Variants in MFAP5 observed in about 807,000 individuals in gnomAD.
The protein encoded by MFAP5 is microfibrillar-associated protein 5.
In MFAP5, 19 loss-of-function variants were observed where a neutral mutation model predicts 30.1. The observed-to-expected ratio is 0.63, with a 90% confidence interval of 0.44 to 0.93. The LOEUF (loss-of-function observed/expected upper bound fraction) is 0.93. Among genes scored for constraint, MFAP5 ranks in the 40% least tolerant of loss-of-function variants. MFAP5 has a pLI of 0.00. For missense variants in MFAP5, 210 were observed against 221.3 expected (o/e 0.95, Z 0.32); for synonymous variants, 92 against 72.9 (o/e 1.26, Z -1.33).
chr12:8,650,724 G>A, intron 7 of MFAP5, 135 bp from the exon 8 acceptor site: 1 of 741,660 alleles, frequency 1.3e-6, no homozygotes. Context: ...ATTATAAATT[G>A]GGCTACATCC....
At chr12:8,660,191 ATTTT>A (rs36061194) in intron 3 of MFAP5, among the ~76,000 whole-genome samples, 1 of 138,664 alleles carries the variant, frequency 7.2e-6, no homozygotes, top group Admixed American at 7.3e-5. Flanking sequence ...TTTTTTTCTA[ATTTT>A]TTTTTTTTTT....
At chr12:8,659,675 A>T (rs1278525785) in intron 3 of MFAP5, among the ~76,000 whole-genome samples, 2 of 152,178 alleles carry the variant, frequency 1.3e-5, no homozygotes, top group Non-Finnish European at 2.9e-5. Context: ...AACAACAGAA[A>T]AAAAATTTTT....
chr12:8,657,566 CTTT>C (rs35916052), intron 3 of MFAP5, among the ~76,000 whole-genome samples: 12 of 128,090 alleles, frequency 9.4e-5, no homozygotes, highest in African/African-American at 9.2e-5. Flanking sequence ...TTTGCTTTGA[CTTT>C]TTTTTTTTTT....
At chr12:8,654,549 AGGGAGAAT>A in intron 5 of MFAP5, 68 bp from the exon 6 acceptor site, 1 of 1,454,994 alleles carries the variant, frequency 6.9e-7, no homozygotes, top group Non-Finnish European at 9.5e-7. Flanking sequence ...GAGTAAGAAA[AGGGAGAAT>A]GGAGATACCG....
intron 6 of MFAP5, among the ~76,000 whole-genome samples, chr12:8,652,137 C>G (rs1591567343): frequency 1.3e-5 from 2 of 152,040 alleles, no homozygotes; most frequent in Non-Finnish European, 2.9e-5. Context: ...TTGATAGAAG[C>G]TGTTGGGTAA....
intron 9 of MFAP5, among the ~76,000 whole-genome samples, chr12:8,648,782 C>A (rs1474918578): frequency 6.6e-6 from 1 of 152,220 alleles, no homozygotes; most frequent in African/African-American, 2.4e-5. Context: ...TACTCAGGAA[C>A]TCAGCACAAA....
chr12:8,655,701 T>C, intron 4 of MFAP5, 85 bp downstream of exon 4: 1 of 1,484,992 alleles, frequency 6.7e-7, no homozygotes, highest in South Asian at 1.2e-5. Context: ...CCTTCTGAAG[T>C]CTTTATTTTT....
chr12:8,660,901 A>G lies in MFAP5; in HGVS notation c.59-3T>C. 1.2e-6 allele frequency: 2 copies of G among 1,611,668 alleles called. No homozygotes were observed. Among genetic ancestry groups the G allele is most frequent in the Non-Finnish European group, 1.7e-6 (2 of 1,177,938 alleles). On this transcript the variant is annotated splice_region_variant and splice_polypyrimidine_tract_variant and intron_variant, in intron 2 of 9. Transcript: ENST00000359478. Reference sequence around the variant, plus strand: ...ATTGACCCCCAGGGGTATCCAGTCTATAGCAAAGGAAGAGAAAAGAGATGT... The same window carrying G: ...ATTGACCCCCAGGGGTATCCAGTCTGTAGCAAAGGAAGAGAAAAGAGATGT...
At position 8,648,152 on chromosome 12, in the gene MFAP5, G is replaced by C. The variant is rs1429113580; in HGVS notation, c.461C>G (p.Ser154Cys). Residue 154 changes from serine to cysteine, a missense_variant, in exon 10 of 10, where the codon TCC becomes TGC. Transcript: ENST00000359478. ...ACAGGGAGGAAGTCGGAAGTAATTG[G>C]AGCGACGGAGTCTCCTAGGGGGCAG... ...AGLPPRRLRR[S>C]NYFRLPPCEN... The C allele has an allele frequency of 6.2e-7, 1 of 1,613,966 alleles. No individual in the cohort carries two copies. The highest frequency in any genetic ancestry group is 1.7e-5 in the Admixed American group (1 of 60,010).
Position 8,650,526 on chromosome 12 carries a change from CA to C in MFAP5, c.310del (p.Cys104AlafsTer32). 1 of 1,614,084 alleles carries C rather than the reference CA, an allele frequency of 6.2e-7. No individual in the cohort carries two copies. ...CCTGGTGAAGCATAACTGATGAATGCATTGTTTAACCGGCCGATGCACAGAG... is the reference window on the plus strand; with the variant it reads ...CCTGGTGAAGCATAACTGATGAATGCTTGTTTAACCGGCCGATGCACAGAG... ...LYSVHRPVKQCIHQLCFTSLR... is the reference protein window; with the variant it reads ...LYSVHRPVKQXIHQLCFTSLR... On this transcript the variant is annotated frameshift_variant, in exon 8 of 10. Coordinates refer to ENST00000359478, the MANE Select transcript of MFAP5 (RefSeq NM_003480.4). LOFTEE classifies it high-confidence loss of function.
rs1277498625 is a variant in MFAP5 at position 8,651,687 on chromosome 12, G to T, written c.222C>A (p.Ser74=). 6.2e-7 allele frequency: 1 copy of T among 1,613,758 alleles called. No individual in the cohort carries two copies. Among genetic ancestry groups the T allele is most frequent in the South Asian group, 1.1e-5 (1 of 91,062 alleles). The change falls in exon 7 of 10, where the codon TCC becomes TCA. Residue 74 remains serine (S), a synonymous_variant. Coordinates refer to ENST00000359478, the MANE Select transcript of MFAP5 (RefSeq NM_003480.4). ...DIAPSTDDLA[S]LSEKNTTAEC... ...CTGCAGTGGTATTTTTTTCACTGAG[G>T]GAGGCTGAAAGGCAGAAATTTTATT... is the stretch of plus-strand genomic sequence containing the variant.
chr12:8,651,622 GA>G (rs1295878996), intron 7 of MFAP5, 39 bp downstream of exon 7: 13 of 1,603,608 alleles, frequency 8.1e-6, no homozygotes, highest in Non-Finnish European at 9.4e-6. Flanking sequence ...TCCACAGGAA[GA>G]AAAAAAGGCT....
At chr12:8,652,815 C>T (rs1448737499) in intron 6 of MFAP5, among the ~76,000 whole-genome samples, 1 of 152,188 alleles carries the variant, frequency 6.6e-6, no homozygotes, top group African/African-American at 2.4e-5. Context: ...ATCCAACAGA[C>T]TTAATTATCT....
rs992207922 is a variant in MFAP5, at chr12:8,647,565, T to C, written c.*526A>G. ...ACAAAACTTACCATGATGTGTCTTATAAGGAAGACTTGCCAGGCAAATTTT... is the reference window on the plus strand; with the variant it reads ...ACAAAACTTACCATGATGTGTCTTACAAGGAAGACTTGCCAGGCAAATTTT... On this transcript the variant is annotated 3_prime_UTR_variant, in exon 10 of 10. Coordinates refer to ENST00000359478, the MANE Select transcript of MFAP5 (RefSeq NM_003480.4). 1 of 152,306 alleles carries C rather than the reference T, an allele frequency of 6.6e-6. No homozygotes were observed. Among genetic ancestry groups the C allele is most frequent in the Non-Finnish European group, 1.5e-5 (1 of 68,148 alleles). 9.4% of individuals were successfully genotyped at this position (152,306 alleles called of 1,614,324 possible). A position where few individuals can be genotyped will look rare whatever the true frequency, so the allele number is the denominator to read the frequency against.
chr12:8,654,914 C>G (rs978406722), intron 5 of MFAP5, among the ~76,000 whole-genome samples: 5 of 148,264 alleles, frequency 3.4e-5, no homozygotes, highest in Non-Finnish European at 5.9e-5. Flanking sequence ...GCACTCTAGC[C>G]TGGGCTACAG....
At chr12:8,662,128 C>A in intron 1 of MFAP5, 22 bp from the exon 2 acceptor site, 1 of 1,608,928 alleles carries the variant, frequency 6.2e-7, no homozygotes, top group Non-Finnish European at 8.5e-7. Context: ...GTGGGCATAG[C>A]AGAGAATGTG....
rs12816874 is a variant in MFAP5 at position 8,656,591 on chromosome 12, T to C, written c.95-761A>G. Among the ~76,000 whole-genome samples the C allele has an allele frequency of 9.8e-3, 1,272 of 130,392 alleles. 8 individuals carry two copies. The highest frequency in any genetic ancestry group is 0.02 in the Middle Eastern group (5 of 256). 85.5% of individuals were successfully genotyped at this position (130,392 alleles called of 152,430 possible). On this transcript the variant is annotated intron_variant, in intron 3 of 9. Transcript: ENST00000359478. ...CCTGGCTAATATATATATATATATA[T>C]ACACACACACACACACACATATATA...
At position 8,659,319 on chromosome 12, in the gene MFAP5, A is replaced by T. The variant is rs779860946; in HGVS notation, c.94+1544T>A. On this transcript the variant is annotated intron_variant, in intron 3 of 9. Transcript: ENST00000359478. ...GCGAAACTCTGTCTCGAAAAAAAAAAAAAATAAAAGGGTCTCACTATATTG... is the reference window on the plus strand; with the variant it reads ...GCGAAACTCTGTCTCGAAAAAAAAATAAAATAAAAGGGTCTCACTATATTG... Among the ~76,000 whole-genome samples the T allele has an allele frequency of 1.4e-4, 22 of 151,968 alleles. No individual in the cohort carries two copies. In the South Asian group the frequency reaches 1.7e-3, roughly 11 times the overall value.
At chr12:8,655,366 A>G in intron 5 of MFAP5, 49 bp downstream of exon 5, 1 of 1,441,752 alleles carries the variant, frequency 6.9e-7, no homozygotes, top group Non-Finnish European at 9.6e-7. Flanking sequence ...AATATTGTGA[A>G]TATTAACAAG....
Sources: gnomAD v4.1 joint callset for allele counts (sites outside exome capture counted in the v4.1 genomes callset) on GRCh38, gnomAD v4.1.1 for gene constraint, MANE v1.5 for transcripts, NCBI Gene and HGNC (gene_info 2026-07-23, HGNC 2026-07-21) for gene names.